PCDHGA10: variants seen among roughly 807,000 people sequenced by gnomAD.
The protein encoded by PCDHGA10 is protocadherin gamma-A10.
PCDHGA10 carries 42 observed loss-of-function variants against 59.5 expected under a neutral mutation model. The ratio of observed to expected loss-of-function variants is 0.71; its 90% CI spans 0.55 to 0.91. PCDHGA10 has a LOEUF of 0.91. Ranked by LOEUF, PCDHGA10 falls within the 40% of genes least tolerant of loss-of-function variation. The probability of loss-of-function intolerance (pLI) is 0.00; values close to 1 mark genes in which losing one functional copy is unlikely to be tolerated. For synonymous variants in PCDHGA10, 511 were observed against 517.2 expected, an observed-to-expected ratio of 0.99 and a Z score of 0.16; for missense variants, 1,111 against 1,198.2, an observed-to-expected ratio of 0.93 and a Z score of 1.07.
chr5:141,447,848 G>A (rs539844218), intron 1 of PCDHGA10, among the ~76,000 whole-genome samples: 46 of 152,302 alleles, frequency 3.0e-4, no homozygotes, highest in East Asian at 2.7e-3. Context: ...TGCTTTGGGA[G>A]GCCGAGGTGG....
At chr5:141,500,026 T>G (rs1297397353) in intron 2 of PCDHGA10, among the ~76,000 whole-genome samples, 1 of 151,974 alleles carries the variant, frequency 6.6e-6, no homozygotes, top group Non-Finnish European at 1.5e-5. Flanking sequence ...TATATTTGAG[T>G]GAGTGTCTCT....
Position 141,477,128 on chromosome 5 carries a change from G to C in PCDHGA10, c.2437-17679G>C. On this transcript the variant is annotated intron_variant, in intron 1 of 3. Transcript: ENST00000398610. The surrounding 1 kb of genome is among the most constrained non-coding windows in gnomAD (Gnocchi z 4.9). ...CAATCCCGAAGGAGCACATTGCAAA[G>C]TGTTGGTGGAGGTTGTGGATGTGAA... 1.9e-6 allele frequency: 3 copies of C among 1,614,250 alleles called. No homozygotes were observed. The highest frequency in any genetic ancestry group is 2.5e-6 in the Non-Finnish European group (3 of 1,180,046).
chr5:141,495,424 A>G (rs927637242), intron 2 of PCDHGA10, among the ~76,000 whole-genome samples: 2 of 152,088 alleles, frequency 1.3e-5, no homozygotes, highest in Non-Finnish European at 2.9e-5. Flanking sequence ...CCCTCCTCCC[A>G]CTGTCCTCTG....
At position 141,505,406 on chromosome 5, in the gene PCDHGA10, G is replaced by A. The variant is rs546453598; in HGVS notation, c.2509G>A (p.Asp837Asn). 61 of 1,614,174 alleles carry A rather than the reference G, an allele frequency of 3.8e-5. No individual in the cohort carries two copies. The highest frequency in any genetic ancestry group is 1.1e-4 in the East Asian group (5 of 44,866). ...RPGTSGSQNG[D>N]DTGTWPNNQF... Reference sequence around the variant, plus strand: ...CTCTCTCCCCAGCTCCCAAAATGGCGATGACACCGGCACCTGGCCCAACAA... The same window carrying A: ...CTCTCTCCCCAGCTCCCAAAATGGCAATGACACCGGCACCTGGCCCAACAA... Residue 837 changes from aspartate to asparagine, a missense_variant, in exon 3 of 4, where the codon GAT (aspartate) becomes AAT (asparagine). Transcript: ENST00000398610.
chr5:141,484,864 A>G, intron 1 of PCDHGA10: 1 of 263,722 alleles, frequency 3.8e-6, no homozygotes, highest in Non-Finnish European at 7.2e-6. Context: ...GGGGTGGGGG[A>G]GCGTGGAGGA....
intron 1 of PCDHGA10, chr5:141,427,650 G>A (rs1352503291): frequency 1.4e-6 from 1 of 718,312 alleles, no homozygotes; most frequent in Admixed American, 2.0e-5. Flanking sequence ...AGTCTCCTAC[G>A]TGGTCCACGT....
Position 141,413,922 on chromosome 5 carries a change from A to G in PCDHGA10, c.747A>G (p.Pro249=), listed in dbSNP as rs769177990. The G allele has an allele frequency of 1.2e-6, 2 of 1,613,458 alleles. No individual in the cohort carries two copies. Among genetic ancestry groups the G allele is most frequent in the Non-Finnish European group, 1.7e-6 (2 of 1,179,884 alleles). The change falls in exon 1 of 4, where the codon CCA becomes CCG. Residue 249 remains proline, a synonymous_variant. Coordinates refer to ENST00000398610, the MANE Select transcript of PCDHGA10 (RefSeq NM_018913.3). ...ANDNAPVFTL[P]EYRVSVPENL... ...ACAACGCGCCGGTCTTCACCTTGCC[A>G]GAATACCGAGTGAGTGTTCCTGAGA...
Position 141,489,623 on chromosome 5 carries a change from A to T in PCDHGA10, c.2437-5184A>T, listed in dbSNP as rs924162827. On this transcript the variant is annotated intron_variant, in intron 1 of 3. Coordinates refer to ENST00000398610, the MANE Select transcript of PCDHGA10 (RefSeq NM_018913.3). This position sits in a 1 kb window ranked among gnomAD's most constrained non-coding sequence, Gnocchi z 4.5. ...GAGGTAGAGATCCTGGATCTCAATG[A>T]CAACTCTCCTAGCTTTGCCACCCCT... is the stretch of plus-strand genomic sequence containing the variant. The T allele has an allele frequency of 6.2e-7, 1 of 1,614,102 alleles. No homozygotes were observed. Among genetic ancestry groups the T allele is most frequent in the Non-Finnish European group, 8.5e-7 (1 of 1,179,996 alleles).
chr5:141,415,786 A>ATT, intron 1 of PCDHGA10, 175 bp downstream of exon 1: 2 of 1,374,914 alleles, frequency 1.5e-6, no homozygotes, highest in Non-Finnish European at 1.9e-6. Flanking sequence ...TTCTGGTAAA[A>ATT]TTCACCTAGT....
At chr5:141,501,569 G>A (rs1401631416) in intron 2 of PCDHGA10, among the ~76,000 whole-genome samples, 3 of 151,998 alleles carry the variant, frequency 2.0e-5, no homozygotes, top group African/African-American at 7.2e-5. Flanking sequence ...AATCATATTA[G>A]GCTGGCTTTC....
Position 141,477,932 on chromosome 5 carries a change from C to T in PCDHGA10, c.2437-16875C>T. 1 of 1,614,158 alleles carries T rather than the reference C, an allele frequency of 6.2e-7. No homozygotes were observed. The highest frequency in any genetic ancestry group is 8.5e-7 in the Non-Finnish European group (1 of 1,180,034). ...CGCGGATGCAGGGCACAATGCCTGGCTCTCCTACAGTCTCTTGGGATCCCC... is the reference window on the plus strand; with the variant it reads ...CGCGGATGCAGGGCACAATGCCTGGTTCTCCTACAGTCTCTTGGGATCCCC... On this transcript the variant is annotated intron_variant, in intron 1 of 3. Coordinates refer to ENST00000398610, the MANE Select transcript of PCDHGA10 (RefSeq NM_018913.3). This position sits in a 1 kb window ranked among gnomAD's most constrained non-coding sequence, Gnocchi z 4.9.
rs1262043820 is a variant in PCDHGA10, at chr5:141,415,755, T to TTG, written c.2436+145_2436+146insGT. Reference sequence around the variant, plus strand: ...GTTTATTAAGGTTTTTTTTTTTTTTTTTTTTTTTTTTTTTTTTACTTTCTG... The same window carrying TTG: ...GTTTATTAAGGTTTTTTTTTTTTTTTTGTTTTTTTTTTTTTTTTTACTTTCTG... On this transcript the variant is annotated intron_variant, in intron 1 of 3. Transcript: ENST00000398610. 56 of 1,387,630 alleles carry TTG rather than the reference T, an allele frequency of 4.0e-5. No individual in the cohort carries two copies. The African/African-American group carries it at 7.5e-4, about 19-fold the overall frequency. The allele number at this position is 1,387,630 out of a possible 1,614,324, so 86.0% of individuals were successfully genotyped here. A position where few individuals can be genotyped will look rare whatever the true frequency, so the allele number is the denominator to read the frequency against.
chr5:141,463,548 A>C (rs2099063677), intron 1 of PCDHGA10, among the ~76,000 whole-genome samples: 1 of 140,798 alleles, frequency 7.1e-6, no homozygotes, highest in Non-Finnish European at 1.5e-5. Context: ...TCCCGGGTTC[A>C]TGCCATTCTC....
chr5:141,452,748 A>G (rs2098748275), intron 1 of PCDHGA10, among the ~76,000 whole-genome samples: 1 of 152,058 alleles, frequency 6.6e-6, no homozygotes, highest in Admixed American at 6.6e-5. Flanking sequence ...GAGAGAAGGA[A>G]GAAGGAAGGG....
In PCDHGA10 at chr5:141,485,233, C is replaced by T; in HGVS notation, c.2437-9574C>T. 1.2e-6 allele frequency: 2 copies of T among 1,614,182 alleles called. No individual in the cohort carries two copies. The highest frequency in any genetic ancestry group is 1.7e-6 in the Non-Finnish European group (2 of 1,180,030). ...GGCGGTGGGCTACCCTTTTGTTCCTCTTTTACCACCTGGGTTACGTTTGTG... is the reference window on the plus strand; with the variant it reads ...GGCGGTGGGCTACCCTTTTGTTCCTTTTTTACCACCTGGGTTACGTTTGTG... On this transcript the variant is annotated intron_variant, in intron 1 of 3. Transcript: ENST00000398610. This position sits in a 1 kb window ranked among gnomAD's most constrained non-coding sequence, Gnocchi z 5.7.
At chr5:141,467,280 T>G (rs1021597111) in intron 1 of PCDHGA10, among the ~76,000 whole-genome samples, 58 of 152,272 alleles carry the variant, frequency 3.8e-4, no homozygotes, top group Admixed American at 2.6e-4. Flanking sequence ...CTCGAACTCT[T>G]GACCTCAAGT....
chr5:141,419,692 C>T (rs2096416788), intron 1 of PCDHGA10: 15 of 1,612,780 alleles, frequency 9.3e-6, no homozygotes, highest in Non-Finnish European at 1.3e-5. Context: ...TGGTGCAGGC[C>T]AGTGAGCCCG....
chr5:141,500,139 CT>C (rs2099796692), intron 2 of PCDHGA10, among the ~76,000 whole-genome samples: 2 of 151,768 alleles, frequency 1.3e-5, no homozygotes, highest in East Asian at 3.9e-4. Context: ...TCTTTCTAAA[CT>C]TTTCTTTGTG....
intron 1 of PCDHGA10, among the ~76,000 whole-genome samples, chr5:141,446,065 G>T (rs1285093512): frequency 2.0e-5 from 3 of 152,306 alleles, no homozygotes; most frequent in African/African-American, 7.2e-5. Flanking sequence ...GATTAAAGGG[G>T]AGGCAGTGGA....
Sources: allele counts gnomAD v4.1 joint callset (sites outside exome capture counted in the v4.1 genomes callset), GRCh38; gene constraint gnomAD v4.1.1; non-coding constraint Gnocchi (gnomAD v3.1); transcripts MANE v1.5; gene names NCBI Gene and HGNC (gene_info 2026-07-23, HGNC 2026-07-21).